The following ALK variants were observed in gnomAD, a reference collection of about 807,000 sequenced individuals.
ALK encodes ALK tyrosine kinase receptor.
A neutral mutation model predicts 163.1 loss-of-function variants in ALK; 74 were observed. The ratio of observed to expected loss-of-function variants is 0.45; its 90% confidence interval spans 0.38 to 0.55. The LOEUF (loss-of-function observed/expected upper bound fraction) is 0.55. ALK is among the 20% of genes least tolerant of loss of function. ALK has a pLI of 0.00. For synonymous variants in ALK, 960 were observed against 843.2 expected, an observed-to-expected ratio of 1.14 and a Z score of -2.40; for missense variants, 2,063 against 2,105.3, an observed-to-expected ratio of 0.98 and a Z score of 0.39.
intron 5 of ALK, among the ~76,000 whole-genome samples, chr2:29,336,159 T>G (rs926879109): frequency 1.3e-5 from 2 of 152,206 alleles, no homozygotes; most frequent in African/African-American, 2.4e-5. Flanking sequence ...TGCCTCTGTA[T>G]CAGGGATGGG....
chr2:29,416,197 C>T (rs572546815), intron 4 of ALK, among the ~76,000 whole-genome samples: 19 of 152,224 alleles, frequency 1.2e-4, no homozygotes, highest in South Asian at 6.2e-4. Flanking sequence ...GACACAGGCC[C>T]GAAGGCTACA....
intron 9 of ALK, among the ~76,000 whole-genome samples, chr2:29,279,157 G>A (rs1449158034): frequency 6.6e-6 from 1 of 152,226 alleles, no homozygotes; most frequent in Admixed American, 6.5e-5. Flanking sequence ...GGCTGGAATG[G>A]TTTCTAAATA....
At chr2:29,624,841 A>G (rs1676147172) in intron 3 of ALK, among the ~76,000 whole-genome samples, 1 of 152,234 alleles carries the variant, frequency 6.6e-6, no homozygotes, top group South Asian at 2.1e-4. Flanking sequence ...ACTACAAATA[A>G]GAGTGTTCCT....
At position 29,214,006 on chromosome 2, in the gene ALK, C is replaced by T. The variant is rs948993224; in HGVS notation, c.3721G>A (p.Glu1241Lys). 6.2e-7 allele frequency: 1 copy of T among 1,613,940 alleles called. No individual in the cohort carries two copies. The highest frequency in any genetic ancestry group is 8.5e-7 in the Non-Finnish European group (1 of 1,179,896). Residue 1241 changes from glutamate (E) to lysine (K), a missense_variant, in exon 24 of 29, where the codon GAG becomes AAG. Physicochemically the swap from Glu to Lys is moderately conservative, Grantham distance 56. Transcript: ENST00000389048. ...RDIACGCQYL[E>K]ENHFIHRDIA... The stretch of plus-strand genomic sequence containing the variant: ...CACCGGTGGATGAAGTGGTTTTCCT[C>T]CAAATACTGACAGCCACAGGCAATG...
intron 4 of ALK, among the ~76,000 whole-genome samples, chr2:29,414,868 T>C (rs1219218394): frequency 1.3e-5 from 2 of 152,018 alleles, no homozygotes; most frequent in African/African-American, 2.4e-5. Context: ...GACAAGAGTC[T>C]ATAATTGGGA....
At chr2:29,558,196 G>C (rs1206531398) in intron 3 of ALK, among the ~76,000 whole-genome samples, 1 of 152,120 alleles carries the variant, frequency 6.6e-6, no homozygotes, top group Non-Finnish European at 1.5e-5. Context: ...GTTTGTTTAT[G>C]GCATGTGCTA....
At chr2:29,642,002 G>C (rs746816591) in intron 3 of ALK, among the ~76,000 whole-genome samples, 15 of 152,124 alleles carry the variant, frequency 9.9e-5, no homozygotes, top group Non-Finnish European at 1.5e-5. Context: ...ATGATTCTTT[G>C]TATGTGGAGC....
intron 4 of ALK, among the ~76,000 whole-genome samples, chr2:29,468,911 G>T (rs187345216): frequency 1.2e-3 from 168 of 145,202 alleles, no homozygotes; most frequent in African/African-American, 4.0e-3. Context: ...TACAGTAACT[G>T]CCTTACCAAT....
intron 11 of ALK, among the ~76,000 whole-genome samples, chr2:29,253,816 T>C (rs1664880883): frequency 6.6e-6 from 1 of 151,444 alleles, no homozygotes; most frequent in African/African-American, 2.4e-5. Context: ...AATTCAACCC[T>C]GAAAATGAAA....
intron 11 of ALK, among the ~76,000 whole-genome samples, chr2:29,274,857 G>C (rs1331962889): frequency 6.6e-6 from 1 of 152,162 alleles, no homozygotes; most frequent in Non-Finnish European, 1.5e-5. Context: ...TGGGGCCTAG[G>C]TATTCCCTAG....
intron 1 of ALK, among the ~76,000 whole-genome samples, chr2:29,757,411 C>G (rs901343350): frequency 6.6e-6 from 1 of 152,174 alleles, no homozygotes; most frequent in Non-Finnish European, 1.5e-5. Context: ...AGCTGAGATA[C>G]GAACCCAGGC....
chr2:29,276,987 A>T (rs909504613), intron 9 of ALK, among the ~76,000 whole-genome samples: 32 of 152,196 alleles, frequency 2.1e-4, no homozygotes, highest in African/African-American at 7.5e-4. Context: ...TGATATATAA[A>T]TTACAGTCTG....
At chr2:29,389,908 T>C (rs945529840) in intron 4 of ALK, among the ~76,000 whole-genome samples, 3 of 152,192 alleles carry the variant, frequency 2.0e-5, no homozygotes, top group Admixed American at 1.3e-4. Flanking sequence ...ACCTGGAGGA[T>C]ACCTGAGTTC....
At chr2:29,858,602 T>A (rs1421616444) in intron 1 of ALK, among the ~76,000 whole-genome samples, 2 of 148,070 alleles carry the variant, frequency 1.4e-5, no homozygotes, top group South Asian at 4.2e-4. Context: ...AATTAGCCGC[T>A]CGTGGTGGCG....
chr2:29,863,568 T>C (rs1002140486), intron 1 of ALK, among the ~76,000 whole-genome samples: 2 of 151,906 alleles, frequency 1.3e-5, no homozygotes, highest in Non-Finnish European at 2.9e-5. Flanking sequence ...AAAACCACAA[T>C]GAGATATCAC....
chr2:29,820,751 G>A (rs1001803043), intron 1 of ALK, among the ~76,000 whole-genome samples: 1 of 152,182 alleles, frequency 6.6e-6, no homozygotes. Flanking sequence ...TTTGTGACCT[G>A]AGTCCCTTAA....
chr2:29,729,751 C>A (rs1026893847), intron 1 of ALK, among the ~76,000 whole-genome samples: 5 of 152,290 alleles, frequency 3.3e-5, no homozygotes, highest in South Asian at 2.1e-4. Context: ...TGCCTTCATG[C>A]AGCACATCTT....
At chr2:29,704,071 T>C (rs1215313363) in intron 2 of ALK, among the ~76,000 whole-genome samples, 1 of 152,136 alleles carries the variant, frequency 6.6e-6, no homozygotes, top group Non-Finnish European at 1.5e-5. Context: ...AAAATGCCAA[T>C]GTATTCCTGA....
At chr2:29,821,308 C>T (rs1342985021) in intron 1 of ALK, among the ~76,000 whole-genome samples, 1 of 152,066 alleles carries the variant, frequency 6.6e-6, no homozygotes, top group Non-Finnish European at 1.5e-5. Context: ...CTGCTTCTCT[C>T]TCAGGCTCTA....
Sources: gnomAD v4.1 joint callset for allele counts (sites outside exome capture counted in the v4.1 genomes callset) on GRCh38, gnomAD v4.1.1 for gene constraint, MANE v1.5 for transcripts, NCBI Gene and HGNC (gene_info 2026-07-23, HGNC 2026-07-21) for gene names.